The following RIMBP2 variants were observed in gnomAD, a reference collection of about 807,000 sequenced individuals.
RIMBP2 encodes RIMS binding protein 2.
Under a neutral mutation model 118.6 loss-of-function variants are expected in RIMBP2, and 48 were observed. The ratio of observed to expected loss-of-function variants is 0.40; its 90% CI spans 0.32 to 0.51. The LOEUF (loss-of-function observed/expected upper bound fraction) is 0.51, where lower values mean the gene tolerates loss of function less well. Ranked by LOEUF, RIMBP2 falls within the 20% of genes least tolerant of loss-of-function variation. The pLI is 0.41. For missense variants in RIMBP2, 1,551 were observed against 1,768.3 expected (o/e 0.88, Z 2.20); for synonymous variants, 762 against 742.9 (o/e 1.03, Z -0.42).
At chr12:130,650,361 G>C (rs890531596) in intron 1 of RIMBP2, among the ~76,000 whole-genome samples, 6 of 152,252 alleles carry the variant, frequency 3.9e-5, no homozygotes, top group African/African-American at 1.4e-4. Context: ...GCTCTAAATA[G>C]AACTGCTCTT....
chr12:130,704,031 G>A lies in RIMBP2; in HGVS notation c.-352+12191C>T, dbSNP rs190003713. ...TTCTGTACCAAGAAAGCTATAAATC[G>A]GAGCCCCATCCTTCCAGATGAAGCA... On this transcript the variant is annotated intron_variant, in intron 1 of 22. Transcript: ENST00000690449. Among the ~76,000 whole-genome samples the A allele has an allele frequency of 1.5e-4, 23 of 152,200 alleles. 1 individual carries two copies. The East Asian group carries it at 2.1e-3, about 14-fold the overall frequency.
chr12:130,623,840 A>G lies in RIMBP2; in HGVS notation c.-217+4482T>C, dbSNP rs897442259. On this transcript the variant is annotated intron_variant, in intron 2 of 22. Coordinates refer to ENST00000690449, the MANE Select transcript of RIMBP2 (RefSeq NM_001393629.1). The surrounding 1 kb of genome is among the most constrained non-coding windows in gnomAD (Gnocchi z 4.1). Reference sequence around the variant, plus strand: ...CCCAGCTCCCTCATCCCTCAAGCAGATAATCCCACGGTGTACACCACAGTC... The same window carrying G: ...CCCAGCTCCCTCATCCCTCAAGCAGGTAATCCCACGGTGTACACCACAGTC... 4.6e-5 allele frequency among the ~76,000 whole-genome samples: 7 copies of G among 152,146 alleles called. No individual in the cohort carries two copies. The highest frequency in any genetic ancestry group is 1.7e-4 in the African/African-American group (7 of 41,442).
At chr12:130,643,746 G>A (rs2062728368) in intron 1 of RIMBP2, among the ~76,000 whole-genome samples, 1 of 152,200 alleles carries the variant, frequency 6.6e-6, no homozygotes. Context: ...CGGGGCAAGG[G>A]TAAGGTCCTG....
rs147195021 is a variant in RIMBP2 at position 130,506,791 on chromosome 12, G to A, written c.-126-21C>T. 1.0e-3 allele frequency: 1,031 copies of A among 985,654 alleles called. 12 individuals carry two copies. The African/African-American group carries it at 0.017, about 16-fold the overall frequency. The allele number at this position is 985,654 out of a possible 1,614,324, so 61.1% of individuals were successfully genotyped here. ...TTCACCTGCAAGCGGAAGGGATGGA[G>A]ACAAGGAGGTTATCACAACATGCCT... On this transcript the variant is annotated intron_variant, in intron 3 of 22. Coordinates refer to ENST00000690449, the MANE Select transcript of RIMBP2 (RefSeq NM_001393629.1).
chr12:130,601,089 A>G (rs1427214883), intron 2 of RIMBP2, among the ~76,000 whole-genome samples: 1 of 152,152 alleles, frequency 6.6e-6, no homozygotes, highest in Non-Finnish European at 1.5e-5. Context: ...GTGAGCATTT[A>G]TACACCTTGT....
At position 130,420,166 on chromosome 12, in the gene RIMBP2, T is replaced by C. The variant is rs910906480; in HGVS notation, c.3238+2287A>G. Among the ~76,000 whole-genome samples, 1 of 152,170 alleles carries C rather than the reference T, an allele frequency of 6.6e-6. No individual in the cohort carries two copies. Among genetic ancestry groups the C allele is most frequent in the Admixed American group, 6.5e-5 (1 of 15,280 alleles). The stretch of plus-strand genomic sequence containing the variant: ...GTCACTGATGTTCATTTCCCAAAGC[T>C]CTTTGCCGAGTCCTCCTCCTCCTCA... On this transcript the variant is annotated intron_variant, in intron 17 of 22. Transcript: ENST00000690449. The surrounding 1 kb of genome is among the most constrained non-coding windows in gnomAD (Gnocchi z 4.3).
chr12:130,447,815 A>C lies in RIMBP2; in HGVS notation c.581+2385T>G, dbSNP rs11060893. Among the ~76,000 whole-genome samples, 2,080 of 152,290 alleles carry C rather than the reference A, an allele frequency of 0.014. 48 individuals are homozygous for C. The highest frequency in any genetic ancestry group is 0.047 in the African/African-American group (1,973 of 41,556). On this transcript the variant is annotated intron_variant, in intron 9 of 22. Coordinates refer to ENST00000690449, the MANE Select transcript of RIMBP2 (RefSeq NM_001393629.1). This position sits in a 1 kb window ranked among gnomAD's most constrained non-coding sequence, Gnocchi z 4.4. ...GGCTGCACCAGATGGAAGGGAGGAG[A>C]CATGGACACAGAGGCAGCCCCTGCA...
chr12:130,653,743 C>T (rs971078729), intron 1 of RIMBP2, among the ~76,000 whole-genome samples: 2 of 152,352 alleles, frequency 1.3e-5, no homozygotes, highest in Non-Finnish European at 1.5e-5. Context: ...AGCCACCAAG[C>T]CTCCTTCATG....
chr12:130,666,993 G>A (rs560970454), intron 1 of RIMBP2, among the ~76,000 whole-genome samples: 1 of 71,716 alleles, frequency 1.4e-5, no homozygotes, highest in Non-Finnish European at 3.1e-5. Context: ...GACAGAGGGA[G>A]GAAGGGAAGG....
intron 1 of RIMBP2, chr12:130,651,577 A>C (rs545137211): frequency 1.5e-4 from 23 of 152,358 alleles, no homozygotes; most frequent in Middle Eastern, 3.4e-3. Flanking sequence ...CCTCAGGCTA[A>C]TGGAAAACGC....
Position 130,688,387 on chromosome 12 carries a change from C to T in RIMBP2, c.-352+27835G>A, listed in dbSNP as rs2065158286. Among the ~76,000 whole-genome samples the T allele has an allele frequency of 6.6e-6, 1 of 152,208 alleles. No homozygotes were observed. The highest frequency in any genetic ancestry group is 2.4e-5 in the African/African-American group (1 of 41,462). On this transcript the variant is annotated intron_variant, in intron 1 of 22. Transcript: ENST00000690449. This position sits in a 1 kb window ranked among gnomAD's most constrained non-coding sequence, Gnocchi z 4.7. ...AGGAACACTCTAGAACACTCTGGAA[C>T]ACTCTGGGGCCATTGGATAACACAT...
chr12:130,555,270 C>T (rs7956073), intron 2 of RIMBP2, among the ~76,000 whole-genome samples: 1 of 151,722 alleles, frequency 6.6e-6, no homozygotes, highest in African/African-American at 2.4e-5. Flanking sequence ...GGAGAAAGCC[C>T]TCGCAGGAAA....
intron 2 of RIMBP2, among the ~76,000 whole-genome samples, chr12:130,530,868 G>A (rs1657389981): frequency 6.6e-6 from 1 of 152,152 alleles, no homozygotes. Context: ...AGTTATATGA[G>A]CAACTGAAAC....
intron 17 of RIMBP2, 132 bp from the exon 18 acceptor site, chr12:130,414,438 T>C: frequency 7.0e-6 from 6 of 853,036 alleles, no homozygotes; most frequent in South Asian, 3.6e-5. Flanking sequence ...TGTCTTAACA[T>C]GTAGGTGGAA....
At chr12:130,633,487 C>T (rs762233789) in intron 1 of RIMBP2, among the ~76,000 whole-genome samples, 49 of 152,112 alleles carry the variant, frequency 3.2e-4, no homozygotes, top group Non-Finnish European at 5.6e-4. Context: ...CCGAGTGTCC[C>T]GCCCACAGCC....
chr12:130,515,976 G>A (rs577783331), intron 3 of RIMBP2, among the ~76,000 whole-genome samples: 1 of 152,322 alleles, frequency 6.6e-6, no homozygotes, highest in South Asian at 2.1e-4. Flanking sequence ...GGGATTACAG[G>A]TGTGAGCCAC....
intron 1 of RIMBP2, among the ~76,000 whole-genome samples, chr12:130,713,314 G>A (rs551558952): frequency 6.6e-6 from 1 of 151,808 alleles, no homozygotes; most frequent in African/African-American, 2.4e-5. Context: ...GCACACAAGG[G>A]TGGTGGCACC....
At chr12:130,458,921 G>A (rs931800455) in intron 6 of RIMBP2, among the ~76,000 whole-genome samples, 3 of 151,808 alleles carry the variant, frequency 2.0e-5, no homozygotes, top group Non-Finnish European at 4.4e-5. Flanking sequence ...ACACGCGCCT[G>A]TAGTCCCAGC....
At chr12:130,715,055 G>A (rs1950233939) in intron 1 of RIMBP2, among the ~76,000 whole-genome samples, 1 of 152,160 alleles carries the variant, frequency 6.6e-6, no homozygotes, top group Non-Finnish European at 1.5e-5. Flanking sequence ...CCAGAGCCCG[G>A]ACACCTCCTC....
Sources: gnomAD v4.1 joint callset for allele counts (sites outside exome capture counted in the v4.1 genomes callset) on GRCh38, gnomAD v4.1.1 for gene constraint, Gnocchi (gnomAD v3.1) non-coding constraint, MANE v1.5 for transcripts, NCBI Gene and HGNC (gene_info 2026-07-23, HGNC 2026-07-21) for gene names.